The following RNLS variants were observed in gnomAD, a reference collection of about 807,000 sequenced individuals.
The protein encoded by RNLS is renalase.
Under a neutral mutation model 39.8 loss-of-function variants are expected in RNLS, and 39 were observed. The observed-to-expected ratio is 0.98, with a 90% confidence interval of 0.76 to 1.28. The LOEUF (loss-of-function observed/expected upper bound fraction) is 1.28. RNLS is among the 50% of genes most tolerant of loss of function. The pLI, the probability that RNLS is intolerant of heterozygous loss-of-function variation, is 0.00. For synonymous variants in RNLS, 147 were observed against 150.7 expected, an observed-to-expected ratio of 0.98 and a Z score of 0.18; for missense variants, 410 against 413.3, an observed-to-expected ratio of 0.99 and a Z score of 0.07.
chr10:88,472,159 T>C (rs1398598434), intron 4 of RNLS, among the ~76,000 whole-genome samples: 1 of 152,170 alleles, frequency 6.6e-6, no homozygotes, highest in Non-Finnish European at 1.5e-5. Flanking sequence ...GCCTGCTGAG[T>C]TAACCCCTTC....
intron 6 of RNLS, among the ~76,000 whole-genome samples, chr10:88,311,606 AAG>A (rs1845387839): frequency 6.6e-6 from 1 of 152,196 alleles, no homozygotes; most frequent in Non-Finnish European, 1.5e-5. Flanking sequence ...TTCCTCATTT[AAG>A]AGTAGCACCC....
intron 4 of RNLS, among the ~76,000 whole-genome samples, chr10:88,437,416 C>G (rs746080816): frequency 2.0e-5 from 3 of 152,050 alleles, no homozygotes; most frequent in Non-Finnish European, 2.9e-5. Flanking sequence ...ATTTTAGAAC[C>G]AAGATATTTA....
intron 5 of RNLS, among the ~76,000 whole-genome samples, chr10:88,339,696 T>C (rs1194816625): frequency 2.0e-5 from 3 of 152,250 alleles, no homozygotes; most frequent in Admixed American, 1.3e-4. Context: ...AATGTTGTTC[T>C]AGTTTTTAAT....
chr10:88,252,016 G>A, the RNLS span, among the ~76,000 whole-genome samples: 3 of 152,250 alleles, frequency 2.0e-5, no homozygotes, highest in Middle Eastern at 3.4e-3. Flanking sequence ...ATTTCTTCTC[G>A]TTCCAAGTAG....
downstream of RNLS, among the ~76,000 whole-genome samples, chr10:88,270,744 T>C (rs1249048496): frequency 2.0e-5 from 3 of 152,200 alleles, no homozygotes; most frequent in African/African-American, 7.2e-5. Flanking sequence ...AGAACACACT[T>C]TTCAAAATAC....
chr10:88,436,024 A>G (rs962449318), intron 4 of RNLS, among the ~76,000 whole-genome samples: 6 of 152,098 alleles, frequency 3.9e-5, no homozygotes, highest in African/African-American at 1.4e-4. Context: ...TTGAGGTGGG[A>G]AGGAGCCAGG....
downstream of RNLS, among the ~76,000 whole-genome samples, chr10:88,272,406 A>G (rs1322662269): frequency 6.6e-6 from 1 of 152,210 alleles, no homozygotes; most frequent in Non-Finnish European, 1.5e-5. Flanking sequence ...GTCAAAGCCC[A>G]TATTTTGAAA....
chr10:88,463,161 A>G (rs1006356467), intron 4 of RNLS, among the ~76,000 whole-genome samples: 2 of 151,942 alleles, frequency 1.3e-5, no homozygotes, highest in Admixed American at 1.3e-4. Context: ...TCATAATATG[A>G]CCTTATTTGG....
At chr10:88,303,990 C>G (rs1844732182) in intron 6 of RNLS, among the ~76,000 whole-genome samples, 1 of 152,244 alleles carries the variant, frequency 6.6e-6, no homozygotes. Flanking sequence ...CCCACCATCA[C>G]AGTGGGCTGC....
intron 5 of RNLS, among the ~76,000 whole-genome samples, chr10:88,328,899 A>G (rs1846854921): frequency 1.3e-5 from 2 of 152,088 alleles, no homozygotes; most frequent in South Asian, 4.1e-4. Context: ...CTTCTAATGG[A>G]GATAGAACTC....
intron 5 of RNLS, among the ~76,000 whole-genome samples, chr10:88,350,406 G>A (rs530688660): frequency 1.3e-5 from 2 of 151,924 alleles, no homozygotes; most frequent in South Asian, 2.1e-4. Flanking sequence ...GACATGCCCT[G>A]GTGTGCGATG....
chr10:88,489,948 T>G (rs1776170716), intron 4 of RNLS, among the ~76,000 whole-genome samples: 2 of 152,168 alleles, frequency 1.3e-5, no homozygotes, highest in Non-Finnish European at 1.5e-5. Flanking sequence ...AGATGAGATA[T>G]TGCTAGAAGG....
intron 4 of RNLS, among the ~76,000 whole-genome samples, chr10:88,469,896 G>C (rs1317241870): frequency 1.4e-5 from 2 of 143,794 alleles, no homozygotes; most frequent in African/African-American, 5.0e-5. Context: ...TACACCTAAA[G>C]TTATGTTGAA....
At chr10:88,448,381 C>G (rs1842168821) in intron 4 of RNLS, among the ~76,000 whole-genome samples, 1 of 152,036 alleles carries the variant, frequency 6.6e-6, no homozygotes, top group Non-Finnish European at 1.5e-5. Flanking sequence ...TTTATGCAGC[C>G]AACAGACACA....
chr10:88,492,042 A>G (rs1476181646), intron 4 of RNLS, among the ~76,000 whole-genome samples: 2 of 151,958 alleles, frequency 1.3e-5, no homozygotes, highest in African/African-American at 2.4e-5. Flanking sequence ...TCAAAACTAG[A>G]TTTGAGAAAA....
At chr10:88,540,070 T>G (rs1448698170) in intron 4 of RNLS, among the ~76,000 whole-genome samples, 2 of 152,136 alleles carry the variant, frequency 1.3e-5, no homozygotes, top group Admixed American at 1.3e-4. Flanking sequence ...GTTTTCGAAA[T>G]GTATGTATTT....
At chr10:88,344,168 C>A (rs1009881494) in intron 5 of RNLS, among the ~76,000 whole-genome samples, 2 of 152,196 alleles carry the variant, frequency 1.3e-5, no homozygotes, top group African/African-American at 4.8e-5. Flanking sequence ...ATCACTTTAT[C>A]ACTGCAGTTG....
chr10:88,401,801 G>A (rs1852935752), intron 4 of RNLS, among the ~76,000 whole-genome samples: 1 of 152,014 alleles, frequency 6.6e-6, no homozygotes, highest in African/African-American at 2.4e-5. Context: ...CAGAATGTAT[G>A]TGCATAAATC....
chr10:88,415,812 C>T (rs1853984025), intron 4 of RNLS, among the ~76,000 whole-genome samples: 1 of 152,186 alleles, frequency 6.6e-6, no homozygotes, highest in Non-Finnish European at 1.5e-5. Flanking sequence ...TCACACAGCA[C>T]TCTAGTGCCA....
Sources: allele counts gnomAD v4.1 joint callset (sites outside exome capture counted in the v4.1 genomes callset), GRCh38; gene constraint gnomAD v4.1.1; transcripts MANE v1.5; gene names NCBI Gene and HGNC (gene_info 2026-07-23, HGNC 2026-07-21).